Variants in TP53I13 observed in about 807,000 individuals in gnomAD.
TP53I13 encodes the protein tumor protein p53 inducible protein 13.
Under a neutral mutation model 39.1 loss-of-function variants are expected in TP53I13, and 27 were observed. The ratio of observed to expected loss-of-function variants is 0.69; its 90% CI spans 0.51 to 0.95. The LOEUF is 0.95. Ranked by LOEUF, TP53I13 falls within the 40% of genes least tolerant of loss-of-function variation. The probability of loss-of-function intolerance (pLI) is 0.00; values close to 1 mark genes in which losing one functional copy is unlikely to be tolerated. For missense variants in TP53I13, 544 were observed against 520.4 expected (o/e 1.05, Z -0.44); for synonymous variants, 230 against 224.6 (o/e 1.02, Z -0.22).
At chr17:29,581,542 C>A in the TP53I13 span, 2 of 710,520 alleles carry the variant, frequency 2.8e-6, no homozygotes, top group Non-Finnish European at 2.5e-6. This position sits in a 1 kb window ranked among gnomAD's most constrained non-coding sequence, Gnocchi z 4.8. Flanking sequence ...TGGGAGGATG[C>A]AGGATGCCCA....
chr17:29,571,698 C>G lies in TP53I13; in HGVS notation c.291C>G (p.Asp97Glu), dbSNP rs1348980412. ...ACMANPSLTP[D>E]FSLTQDRPLV... Reference sequence around the variant, plus strand: ...TGGCTAACCCTTCCCTCACCCCTGACTTCAGCCTCACGCAGGATCGGGTAT... The same window carrying G: ...TGGCTAACCCTTCCCTCACCCCTGAGTTCAGCCTCACGCAGGATCGGGTAT... Residue 97 changes from aspartate (D) to glutamate (E), a missense_variant, in exon 4 of 7, where the codon GAC becomes GAG. Physicochemically the swap from Asp to Glu is conservative, Grantham distance 45 (BLOSUM62 2). Transcript: ENST00000301057. 5.6e-6 allele frequency: 9 copies of G among 1,614,048 alleles called. 1 individual carries two copies. In the Admixed American group the frequency reaches 1.5e-4, roughly 27 times the overall value.
chr17:29,581,166 T>C, the TP53I13 span: 2 of 628,482 alleles, frequency 3.2e-6, no homozygotes, highest in African/African-American at 3.7e-5. The surrounding 1 kb of genome is among the most constrained non-coding windows in gnomAD (Gnocchi z 4.8). Context: ...GCTGACATTT[T>C]TTACCTGCCT....
chr17:29,577,142 G>A, downstream of TP53I13: 3 of 1,613,436 alleles, frequency 1.9e-6, no homozygotes, highest in Non-Finnish European at 2.5e-6. Flanking sequence ...CCACCTGTGG[G>A]GCTGCTCAGG....
intron 3 of TP53I13, chr17:29,571,249 T>G (rs2032910051): frequency 1.7e-5 from 5 of 292,146 alleles, no homozygotes; most frequent in East Asian, 7.8e-5. Context: ...ATGGTCTTCA[T>G]TTGGGGGTTG....
the TP53I13 span, chr17:29,578,303 A>G: frequency 1.9e-6 from 3 of 1,613,438 alleles, no homozygotes; most frequent in Non-Finnish European, 2.5e-6. Flanking sequence ...ACTCACCTGC[A>G]TCATTTTCTC....
chr17:29,573,900 G>C (rs2033080387), downstream of TP53I13: 1 of 152,662 alleles, frequency 6.6e-6, no homozygotes, highest in African/African-American at 2.4e-5. Flanking sequence ...GGAGGGATCA[G>C]GGAGGCAGCT....
Position 29,568,721 on chromosome 17 carries a change from A to G in TP53I13, c.-38A>G. On this transcript the variant is annotated 5_prime_UTR_variant, in exon 1 of 7. Transcript: ENST00000301057. This position sits in a 1 kb window ranked among gnomAD's most constrained non-coding sequence, Gnocchi z 4.5. ...GGCGCGCGCGCTCCCTCGCTGGCGG[A>G]GCGGCTGGGCGGCGGGCCGGGCCCG... The G allele has an allele frequency of 7.3e-7, 1 of 1,374,264 alleles. No homozygotes were observed. The highest frequency in any genetic ancestry group is 9.4e-7 in the Non-Finnish European group (1 of 1,064,976). 85.1% of individuals were successfully genotyped at this position (1,374,264 alleles called of 1,614,324 possible).
At chr17:29,578,264 T>C in the TP53I13 span, 3 of 1,563,220 alleles carry the variant, frequency 1.9e-6, no homozygotes, top group Non-Finnish European at 2.6e-6. Context: ...GCCGCTCGGG[T>C]CCTCCACGCC....
At chr17:29,581,068 C>T in the TP53I13 span, 40 of 510,606 alleles carry the variant, frequency 7.8e-5, 1 homozygote, top group Non-Finnish European at 9.6e-5. This position sits in a 1 kb window ranked among gnomAD's most constrained non-coding sequence, Gnocchi z 4.8. Context: ...CGTGAGCCAC[C>T]GCGCCCGGCC....
At chr17:29,579,426 A>G in the TP53I13 span, 1 of 201,538 alleles carries the variant, frequency 5.0e-6, no homozygotes, top group Non-Finnish European at 1.0e-5. Context: ...ACAGGTGCAT[A>G]TGGCACACTC....
chr17:29,575,038 C>T (rs368220668), downstream of TP53I13: 27 of 1,521,060 alleles, frequency 1.8e-5, no homozygotes, highest in African/African-American at 1.1e-4. This position sits in a 1 kb window ranked among gnomAD's most constrained non-coding sequence, Gnocchi z 5.5. Context: ...TGCCCCAGCT[C>T]GAGGCCCTCC....
chr17:29,567,008 C>T (rs958432444), upstream of TP53I13: 6 of 1,267,022 alleles, frequency 4.7e-6, no homozygotes, highest in Admixed American at 1.7e-4. This position sits in a 1 kb window ranked among gnomAD's most constrained non-coding sequence, Gnocchi z 6.6. Context: ...GCGGCGGGGC[C>T]GTCTACTCGG....
upstream of TP53I13, chr17:29,566,583 C>A: frequency 6.2e-7 from 1 of 1,609,116 alleles, no homozygotes; most frequent in Non-Finnish European, 8.5e-7. Flanking sequence ...CGTCCGCCAA[C>A]TGCAGGTACT....
chr17:29,571,799 G>A (rs760176382), intron 4 of TP53I13, 58 bp from the exon 5 acceptor site: 12 of 1,612,970 alleles, frequency 7.4e-6, no homozygotes, highest in Non-Finnish European at 9.3e-6. Flanking sequence ...AAATTCAAGG[G>A]TTTCCTCTTG....
At position 29,572,148 on chromosome 17, in the gene TP53I13, G is replaced by T; in HGVS notation, c.520G>T (p.Ala174Ser). The T allele has an allele frequency of 6.2e-7, 1 of 1,608,386 alleles. No individual in the cohort carries two copies. The highest frequency in any genetic ancestry group is 8.5e-7 in the Non-Finnish European group (1 of 1,176,868). Residue 174 changes from alanine to serine, a missense_variant, in exon 6 of 7, where the codon GCT (alanine) becomes TCT (serine). Physicochemically the swap from Ala to Ser is moderately conservative, Grantham distance 99 (BLOSUM62 1). Transcript: ENST00000301057. ...LCRRGCVQAL[A>S]LAFALRSWRP... The stretch of plus-strand genomic sequence containing the variant: ...CTCTCTCTCCTCTCCTTAGGCCCTG[G>T]CTCTGGCCTTTGCTCTGCGGAGCTG...
In TP53I13 at chr17:29,572,483, T is replaced by TCAGGCTTCCCCGGCCCCTCGCGCAGA. The variant is rs1239449217; in HGVS notation, c.880_881insACAGGCTTCCCCGGCCCCTCGCGCAG (p.Ala294AspfsTer33). The TCAGGCTTCCCCGGCCCCTCGCGCAGA allele has an allele frequency of 6.3e-7, 1 of 1,598,770 alleles. No individual in the cohort carries two copies. Among genetic ancestry groups the TCAGGCTTCCCCGGCCCCTCGCGCAGA allele is most frequent in the Non-Finnish European group, 8.5e-7 (1 of 1,172,386 alleles). ...GCCCAGGGGGCTGTGTCTGTTCAAG[T>TCAGGCTTCCCCGGCCCCTCGCGCAGA]CAGGCTTCCCCGGCCCCTCGCGCAG... On this transcript the variant is annotated frameshift_variant, in exon 6 of 7. Coordinates refer to ENST00000301057, the MANE Select transcript of TP53I13 (RefSeq NM_138349.4). LOFTEE classifies it high-confidence loss of function.
upstream of TP53I13, chr17:29,566,860 C>T: frequency 2.0e-6 from 3 of 1,508,284 alleles, no homozygotes; most frequent in African/African-American, 1.4e-5. Context: ...CGGCAGGGTC[C>T]TCTCTCCGAC....
At chr17:29,571,775 G>A in intron 4 of TP53I13, 56 bp downstream of exon 4, 1 of 1,613,562 alleles carries the variant, frequency 6.2e-7, no homozygotes, top group African/African-American at 1.3e-5. Context: ...ATGGCCCCGT[G>A]TGCAGGGAAT....
chr17:29,566,907 C>A, upstream of TP53I13: 3 of 1,490,044 alleles, frequency 2.0e-6, no homozygotes, highest in Non-Finnish European at 2.7e-6. Flanking sequence ...GCGGGCCGAG[C>A]AGGCCGAGAA....
Sources: allele counts gnomAD v4.1 joint callset, GRCh38; gene constraint gnomAD v4.1.1; non-coding constraint Gnocchi (gnomAD v3.1); transcripts MANE v1.5; gene names NCBI Gene and HGNC (gene_info 2026-07-23, HGNC 2026-07-21).